Variants in EPHA7 observed in about 807,000 individuals in gnomAD.
EPHA7 encodes ephrin type-A receptor 7.
EPHA7 carries 25 observed loss-of-function variants against 112.6 expected under a neutral mutation model. That is an observed-to-expected ratio of 0.22 (90% CI 0.16 to 0.31). EPHA7 has a LOEUF of 0.31. Ranked by LOEUF, EPHA7 falls within the 10% of genes least tolerant of loss-of-function variation. The pLI is 1.00. For synonymous variants in EPHA7, 437 were observed against 406.5 expected (o/e 1.07, Z -0.90); for missense variants, 962 against 1,212.6 (o/e 0.79, Z 3.07).
intron 5 of EPHA7, among the ~76,000 whole-genome samples, chr6:93,324,336 T>C (rs1774215353): frequency 1.3e-5 from 2 of 151,364 alleles, no homozygotes; most frequent in African/African-American, 4.8e-5. Flanking sequence ...TCTCAGGTAA[T>C]TTAAAAAAGT....
Position 93,242,905 on chromosome 6 carries a change from A to G in EPHA7, c.*521T>C, listed in dbSNP as rs912917693. On this transcript the variant is annotated 3_prime_UTR_variant, in exon 17 of 17. Coordinates refer to ENST00000369303, the MANE Select transcript of EPHA7 (RefSeq NM_004440.4). ...TCTTTTGAAATTTGAGATTCTTTCA[A>G]AGGTACCCAGTGTAGTAATGTTACA... The G allele has an allele frequency of 2.3e-5, 5 of 216,670 alleles. No homozygotes were observed. Among genetic ancestry groups the G allele is most frequent in the African/African-American group, 1.1e-4 (5 of 44,506 alleles). 13.4% of individuals were successfully genotyped at this position (216,670 alleles called of 1,614,324 possible). A position where few individuals can be genotyped will look rare whatever the true frequency, so the allele number is the denominator to read the frequency against.
At chr6:93,267,690 C>T (rs1040884666) in intron 7 of EPHA7, among the ~76,000 whole-genome samples, 5 of 151,814 alleles carry the variant, frequency 3.3e-5, no homozygotes, top group African/African-American at 9.6e-5. Flanking sequence ...TGTGATCTTT[C>T]AGGTTCCACT....
intron 14 of EPHA7, among the ~76,000 whole-genome samples, chr6:93,253,934 G>C (rs1770325028): frequency 6.6e-6 from 1 of 150,772 alleles, no homozygotes; most frequent in East Asian, 1.9e-4. Context: ...CTTTTTTTTT[G>C]CACTTTTGCT....
At chr6:93,389,143 T>C (rs962219869) in intron 3 of EPHA7, among the ~76,000 whole-genome samples, 2 of 152,088 alleles carry the variant, frequency 1.3e-5, no homozygotes, top group Non-Finnish European at 2.9e-5. Flanking sequence ...TTTACCAAAA[T>C]ACAAACCCAG....
intron 14 of EPHA7, among the ~76,000 whole-genome samples, chr6:93,251,297 A>T (rs1770195863): frequency 6.6e-6 from 1 of 151,920 alleles, no homozygotes; most frequent in Admixed American, 6.6e-5. Context: ...ACATTTACTT[A>T]TGAGTATATT....
intron 3 of EPHA7, among the ~76,000 whole-genome samples, chr6:93,373,849 G>GT (rs1484098158): frequency 1.3e-5 from 2 of 150,176 alleles, no homozygotes; most frequent in Non-Finnish European, 3.0e-5. Flanking sequence ...TTTACAAAAG[G>GT]TAAAAAAAAA....
intron 15 of EPHA7, among the ~76,000 whole-genome samples, chr6:93,246,144 C>G (rs540611982): frequency 6.6e-6 from 1 of 151,976 alleles, no homozygotes; most frequent in East Asian, 1.9e-4. Flanking sequence ...CTCTGCCTAC[C>G]GGGTTCAAGC....
intron 3 of EPHA7, among the ~76,000 whole-genome samples, chr6:93,366,351 T>A (rs1157751439): frequency 4.6e-5 from 7 of 152,190 alleles, no homozygotes; most frequent in African/African-American, 1.7e-4. Flanking sequence ...ACTTCCTTAT[T>A]TCCTTGTTAA....
chr6:93,259,621 T>C (rs1317191184), intron 9 of EPHA7, 142 bp from the exon 10 acceptor site: 2 of 919,602 alleles, frequency 2.2e-6, no homozygotes, highest in South Asian at 1.6e-5. Context: ...TTTAACAGAC[T>C]ACTTCAGTCT....
chr6:93,334,529 T>G (rs1449042943), intron 5 of EPHA7, among the ~76,000 whole-genome samples: 1 of 152,058 alleles, frequency 6.6e-6, no homozygotes, highest in Non-Finnish European at 1.5e-5. Flanking sequence ...ATTAGGAACT[T>G]AAACTAATTT....
At chr6:93,257,123 A>G (rs1405257243) in intron 12 of EPHA7, among the ~76,000 whole-genome samples, 1 of 151,948 alleles carries the variant, frequency 6.6e-6, no homozygotes, top group Non-Finnish European at 1.5e-5. Context: ...TGGTTATCTC[A>G]CCTTTTAGTC....
rs989658929 is a variant in EPHA7 at position 93,240,219 on chromosome 6, C to T, written c.*3207G>A. The T allele has an allele frequency of 2.7e-5, 6 of 223,508 alleles. No homozygotes were observed. Among genetic ancestry groups the T allele is most frequent in the Admixed American group, 1.1e-4 (2 of 17,418 alleles). The allele number at this position is 223,508 out of a possible 1,614,324, so 13.8% of individuals were successfully genotyped here. A position where few individuals can be genotyped will look rare whatever the true frequency, so the allele number is the denominator to read the frequency against. On this transcript the variant is annotated 3_prime_UTR_variant, in exon 17 of 17. Transcript: ENST00000369303. ...AATTCAACCAACGAAAAGCACATCT[C>T]GCCCCGAGTTCCCCATGATTTCTCC...
intron 5 of EPHA7, among the ~76,000 whole-genome samples, chr6:93,291,198 T>C (rs1373617546): frequency 2.0e-5 from 3 of 152,178 alleles, no homozygotes; most frequent in Non-Finnish European, 4.4e-5. Flanking sequence ...GTGTAACATA[T>C]TTTGTTTATA....
chr6:93,398,654 T>C (rs1778296329), intron 3 of EPHA7, among the ~76,000 whole-genome samples: 1 of 151,902 alleles, frequency 6.6e-6, no homozygotes, highest in South Asian at 2.1e-4. Context: ...TAATGAAGGA[T>C]GAGGCATATT....
chr6:93,390,974 T>C (rs937991253), intron 3 of EPHA7, among the ~76,000 whole-genome samples: 1 of 151,984 alleles, frequency 6.6e-6, no homozygotes, highest in African/African-American at 2.4e-5. Flanking sequence ...GCCAATATTT[T>C]TGTTGTGTTT....
intron 3 of EPHA7, among the ~76,000 whole-genome samples, chr6:93,384,605 C>T (rs143765901): frequency 4.5e-4 from 69 of 152,268 alleles, no homozygotes; most frequent in Non-Finnish European, 7.9e-4. Flanking sequence ...ATGTCACCCA[C>T]TTTTGTTCAT....
At chr6:93,318,977 A>G (rs1054144286) in intron 5 of EPHA7, among the ~76,000 whole-genome samples, 2 of 152,122 alleles carry the variant, frequency 1.3e-5, no homozygotes, top group African/African-American at 2.4e-5. Context: ...TGCATTCAAT[A>G]ATTTATCTTC....
intron 5 of EPHA7, among the ~76,000 whole-genome samples, chr6:93,304,931 CTTACTG>C (rs1307055587): frequency 2.6e-5 from 4 of 151,944 alleles, no homozygotes; most frequent in African/African-American, 9.7e-5. Context: ...ATATCACCCT[CTTACTG>C]TTACTTAAAA....
intron 5 of EPHA7, among the ~76,000 whole-genome samples, chr6:93,309,403 A>C (rs1773418240): frequency 6.6e-6 from 1 of 152,208 alleles, no homozygotes; most frequent in Non-Finnish European, 1.5e-5. Context: ...GATATGAAGA[A>C]ATTATTGTAG....
Sources: gnomAD v4.1 joint callset for allele counts (sites outside exome capture counted in the v4.1 genomes callset) on GRCh38, gnomAD v4.1.1 for gene constraint, MANE v1.5 for transcripts, NCBI Gene and HGNC (gene_info 2026-07-23, HGNC 2026-07-21) for gene names.